TBC1D22A: variants seen among roughly 807,000 people sequenced by gnomAD.
TBC1D22A encodes the protein TBC1 domain family member 22A.
TBC1D22A carries 38 observed loss-of-function variants against 60.2 expected under a neutral mutation model. That is an observed-to-expected ratio of 0.63 (90% confidence interval 0.49 to 0.83). The LOEUF is 0.83. Ranked by LOEUF, TBC1D22A falls within the 40% of genes least tolerant of loss-of-function variation. The pLI, the probability that TBC1D22A is intolerant of heterozygous loss-of-function variation, is 0.00. For missense variants in TBC1D22A, 628 were observed against 701.0 expected (o/e 0.90, Z 1.18); for synonymous variants, 302 against 281.7 (o/e 1.07, Z -0.72).
At chr22:46,798,050 A>AT (rs943311712) in intron 4 of TBC1D22A, among the ~76,000 whole-genome samples, 4 of 151,628 alleles carry the variant, frequency 2.6e-5, no homozygotes, top group East Asian at 3.9e-4. Context: ...TTTTTAAACA[A>AT]TTTTTTCTAC....
At chr22:46,864,712 A>C (rs1307358853) in intron 4 of TBC1D22A, among the ~76,000 whole-genome samples, 6 of 152,158 alleles carry the variant, frequency 3.9e-5, no homozygotes, top group African/African-American at 1.4e-4. Flanking sequence ...GGGGTGTAGT[A>C]TGTTTCTAGG....
At chr22:47,046,320 T>A (rs1442130992) in intron 11 of TBC1D22A, among the ~76,000 whole-genome samples, 3 of 152,126 alleles carry the variant, frequency 2.0e-5, no homozygotes, top group Non-Finnish European at 4.4e-5. Context: ...TTTGCCCTCG[T>A]GGGGGCATCT....
intron 5 of TBC1D22A, among the ~76,000 whole-genome samples, chr22:46,879,324 CA>C (rs4513): frequency 0.73 from 111,320 of 151,890 alleles, 40,982 homozygotes; most frequent in Middle Eastern, 0.87. Flanking sequence ...GTGACATCAG[CA>C]ATGCCCTCGT....
In TBC1D22A at chr22:46,790,418, C is replaced by T. The variant is rs558496038; in HGVS notation, c.63-2102C>T. Among the ~76,000 whole-genome samples the T allele has an allele frequency of 3.0e-4, 45 of 152,308 alleles. 1 individual carries two copies. The highest frequency in any genetic ancestry group is 1.0e-3 in the South Asian group (5 of 4,822). Reference sequence around the variant, plus strand: ...GTATTCTTAATTGCATCTGCAAAGTCCCCTTTGCCATGTAAGGTGACGTAG... The same window carrying T: ...GTATTCTTAATTGCATCTGCAAAGTTCCCTTTGCCATGTAAGGTGACGTAG... On this transcript the variant is annotated intron_variant, in intron 1 of 12. Transcript: ENST00000337137.
intron 5 of TBC1D22A, among the ~76,000 whole-genome samples, chr22:46,886,698 A>T (rs911449005): frequency 2.0e-5 from 3 of 152,248 alleles, no homozygotes; most frequent in African/African-American, 7.2e-5. Context: ...AATGCGTATG[A>T]TGGAAGCCAG....
At chr22:47,024,596 A>G (rs2062192567) in intron 10 of TBC1D22A, among the ~76,000 whole-genome samples, 1 of 152,124 alleles carries the variant, frequency 6.6e-6, no homozygotes, top group African/African-American at 2.4e-5. Flanking sequence ...GCTCAAACCC[A>G]TAGTCCCAGC....
At position 46,982,863 on chromosome 22, in the gene TBC1D22A, C is replaced by T. The variant is rs572165118; in HGVS notation, c.1125+8464C>T. Among the ~76,000 whole-genome samples the T allele has an allele frequency of 1.4e-4, 21 of 152,244 alleles. No individual in the cohort carries two copies. The East Asian group carries it at 2.1e-3, about 15-fold the overall frequency. ...TGCAGAGCAAGTGCCCAGTGTGGAG[C>T]GGTGGCAGCGGTGGGGCGCCCTCCT... On this transcript the variant is annotated intron_variant, in intron 9 of 12. Transcript: ENST00000337137.
rs550482032 is a variant in TBC1D22A, at chr22:46,963,380, A to C, written c.1016-10910A>C. On this transcript the variant is annotated intron_variant, in intron 8 of 12. Transcript: ENST00000337137. Reference sequence around the variant, plus strand: ...GCCTGCCCTGGGTCCCGCAGTGCCCAAGGCTGGAAAGGCCCAGGGAGCCTT... The same window carrying C: ...GCCTGCCCTGGGTCCCGCAGTGCCCCAGGCTGGAAAGGCCCAGGGAGCCTT... 7.9e-5 allele frequency among the ~76,000 whole-genome samples: 12 copies of C among 151,486 alleles called. No homozygotes were observed. In the East Asian group the frequency reaches 2.3e-3, roughly 29 times the overall value.
intron 11 of TBC1D22A, among the ~76,000 whole-genome samples, chr22:47,067,967 A>G (rs1198979937): frequency 6.6e-6 from 1 of 152,222 alleles, no homozygotes; most frequent in African/African-American, 2.4e-5. Flanking sequence ...TGCTGGACAT[A>G]ACAGACTGAC....
At chr22:46,807,886 G>A (rs539930826) in intron 4 of TBC1D22A, among the ~76,000 whole-genome samples, 1 of 152,272 alleles carries the variant, frequency 6.6e-6, no homozygotes, top group South Asian at 2.1e-4. Flanking sequence ...AGGATTGCTC[G>A]AGCCCAGGAG....
chr22:46,781,014 A>C (rs966807046), intron 1 of TBC1D22A, among the ~76,000 whole-genome samples: 1 of 152,144 alleles, frequency 6.6e-6, no homozygotes, highest in African/African-American at 2.4e-5. Flanking sequence ...TGTTGATGTC[A>C]GGGACCCATT....
chr22:46,967,200 G>A (rs920089481), intron 8 of TBC1D22A, among the ~76,000 whole-genome samples: 1 of 152,166 alleles, frequency 6.6e-6, no homozygotes, highest in South Asian at 2.1e-4. Flanking sequence ...AAACATTCCC[G>A]CACTAGAGCC....
At chr22:47,041,158 A>G (rs2062831652) in intron 11 of TBC1D22A, among the ~76,000 whole-genome samples, 1 of 152,194 alleles carries the variant, frequency 6.6e-6, no homozygotes. Context: ...CATTTGGCTT[A>G]AGGCCTTTAT....
chr22:47,039,457 C>T (rs1208952362), intron 11 of TBC1D22A, among the ~76,000 whole-genome samples: 3 of 152,126 alleles, frequency 2.0e-5, no homozygotes, highest in Non-Finnish European at 4.4e-5. Flanking sequence ...GTTTTAGTTA[C>T]TCTTTAACCC....
intron 4 of TBC1D22A, among the ~76,000 whole-genome samples, chr22:46,857,325 C>T (rs908022725): frequency 1.3e-5 from 2 of 152,198 alleles, no homozygotes; most frequent in African/African-American, 2.4e-5. Context: ...CTGGGTGGGG[C>T]TGGTCAGCCC....
At chr22:46,844,008 C>T (rs935305531) in intron 4 of TBC1D22A, among the ~76,000 whole-genome samples, 5 of 151,586 alleles carry the variant, frequency 3.3e-5, no homozygotes, top group Admixed American at 2.0e-4. Flanking sequence ...TGGGGTTGTT[C>T]GGTCTTGAGG....
chr22:47,152,709 G>T (rs539487804), intron 12 of TBC1D22A, among the ~76,000 whole-genome samples: 1 of 152,194 alleles, frequency 6.6e-6, no homozygotes, highest in East Asian at 1.9e-4. Context: ...TTTAACTCTC[G>T]TGATGAGAAA....
At chr22:47,073,244 T>C (rs2064075334) in intron 11 of TBC1D22A, among the ~76,000 whole-genome samples, 1 of 152,204 alleles carries the variant, frequency 6.6e-6, no homozygotes, top group Non-Finnish European at 1.5e-5. Flanking sequence ...GTGGAAACCA[T>C]ATCCACGTAA....
intron 12 of TBC1D22A, among the ~76,000 whole-genome samples, chr22:47,160,607 A>C (rs926504496): frequency 6.6e-6 from 1 of 152,212 alleles, no homozygotes; most frequent in Admixed American, 6.5e-5. Flanking sequence ...GCTGGATTGA[A>C]TATGAAAGTA....
Sources: allele counts gnomAD v4.1 joint callset (sites outside exome capture counted in the v4.1 genomes callset), GRCh38; gene constraint gnomAD v4.1.1; transcripts MANE v1.5; gene names NCBI Gene and HGNC (gene_info 2026-07-23, HGNC 2026-07-21).